The following COASY variants were observed in gnomAD, a reference collection of about 807,000 sequenced individuals.
The protein encoded by COASY is bifunctional coenzyme A synthase.
Under a neutral mutation model 49.4 loss-of-function variants are expected in COASY, and 31 were observed. The observed-to-expected ratio is 0.63, with a 90% CI of 0.47 to 0.85. The LOEUF (loss-of-function observed/expected upper bound fraction) is 0.85. Among genes scored for constraint, COASY ranks in the 40% least tolerant of loss-of-function variants. The pLI is 0.00. For synonymous variants in COASY, 285 were observed against 310.9 expected, an observed-to-expected ratio of 0.92 and a Z score of 0.88; for missense variants, 730 against 734.1, an observed-to-expected ratio of 0.99 and a Z score of 0.06.
In COASY at chr17:42,564,035, A is replaced by G; in HGVS notation, c.775A>G (p.Lys259Glu). ...TCTGAGTGAATTCCTGGTGGACATC[A>G]AGCCCTCCTTGACTTTTGATGTCAT... ...EHLSEFLVDIKPSLTFDVIPL... is the reference protein window; with the variant it reads ...EHLSEFLVDIEPSLTFDVIPL... Residue 259 changes from lysine to glutamate, a missense_variant, in exon 2 of 9, where the codon AAG (lysine) becomes GAG (glutamate). Lys to Glu is a moderately conservative substitution (Grantham distance 56). Coordinates refer to ENST00000393818, the MANE Select transcript of COASY (RefSeq NM_025233.7). 6.2e-7 allele frequency: 1 copy of G among 1,614,072 alleles called. No individual in the cohort carries two copies. The highest frequency in any genetic ancestry group is 8.5e-7 in the Non-Finnish European group (1 of 1,180,002).
intron 5 of COASY, 72 bp from the exon 6 acceptor site, chr17:42,565,155 C>T: frequency 1.9e-6 from 3 of 1,593,282 alleles, no homozygotes; most frequent in Non-Finnish European, 2.6e-6. Context: ...TGATCTGTTC[C>T]CAACACCACC....
intron 1 of COASY, 175 bp downstream of exon 1, chr17:42,563,497 T>G: frequency 9.4e-6 from 6 of 636,172 alleles, no homozygotes; most frequent in Admixed American, 3.2e-5. Context: ...AACAGCTTTC[T>G]CAGCATGTGG....
At position 42,564,690 on chromosome 17, in the gene COASY, C is replaced by G. The variant is rs1208121805; in HGVS notation, c.1048-19C>G. ...CTGAGGGCCCCAGTAACTGTGGGTTCCCTTTCACCTATCCCCAGGAAAGGC... is the reference window on the plus strand; with the variant it reads ...CTGAGGGCCCCAGTAACTGTGGGTTGCCTTTCACCTATCCCCAGGAAAGGC... On this transcript the variant is annotated intron_variant, in intron 3 of 8. Coordinates refer to ENST00000393818, the MANE Select transcript of COASY (RefSeq NM_025233.7). The G allele has an allele frequency of 6.5e-7, 1 of 1,526,982 alleles. No individual in the cohort carries two copies. The highest frequency in any genetic ancestry group is 1.3e-5 in the South Asian group (1 of 75,472). The allele number at this position is 1,526,982 out of a possible 1,614,324, so 94.6% of individuals were successfully genotyped here. A position where few individuals can be genotyped will look rare whatever the true frequency, so the allele number is the denominator to read the frequency against.
rs774545429 is a variant in COASY at position 42,564,335 on chromosome 17, C to CGGA, written c.916-100_916-98dup. The stretch of plus-strand genomic sequence containing the variant: ...CTGGTTCTCAGTTTGCCCGCTGAGT[C>CGGA]GGAGGAGGAGGAGCCTGGGTAGGAA... On this transcript the variant is annotated intron_variant, in intron 2 of 8. Coordinates refer to ENST00000393818, the MANE Select transcript of COASY (RefSeq NM_025233.7). 2,161 of 1,528,882 alleles carry CGGA rather than the reference C, an allele frequency of 1.4e-3. 3 individuals are homozygous for CGGA. The highest frequency in any genetic ancestry group is 1.8e-3 in the Non-Finnish European group (2,000 of 1,110,270). 94.7% of individuals were successfully genotyped at this position (1,528,882 alleles called of 1,614,324 possible). A position where few individuals can be genotyped will look rare whatever the true frequency, so the allele number is the denominator to read the frequency against.
chr17:42,565,417 G>C (rs2092997963), intron 6 of COASY, 54 bp from the exon 7 acceptor site: 1 of 1,610,698 alleles, frequency 6.2e-7, no homozygotes, highest in Non-Finnish European at 8.5e-7. Context: ...CTGGGACTGT[G>C]TTCTGCCTGG....
At position 42,562,480 on chromosome 17, in the gene COASY, T is replaced by C. The variant is rs1195088465; in HGVS notation, c.-143T>C. On this transcript the variant is annotated 5_prime_UTR_variant, in exon 1 of 9. Coordinates refer to ENST00000393818, the MANE Select transcript of COASY (RefSeq NM_025233.7). ...ACCAGGCCCCGTCCCCTCCCCCGGCTCCTGTCGGTCAGCACTGAAACCCCG... is the reference window on the plus strand; with the variant it reads ...ACCAGGCCCCGTCCCCTCCCCCGGCCCCTGTCGGTCAGCACTGAAACCCCG... The C allele has an allele frequency of 1.2e-6, 2 of 1,613,454 alleles. No individual in the cohort carries two copies. Among genetic ancestry groups the C allele is most frequent in the Non-Finnish European group, 8.5e-7 (1 of 1,179,726 alleles).
In COASY at chr17:42,562,759, G is replaced by A; in HGVS notation, c.137G>A (p.Ser46Asn). 1.3e-6 allele frequency: 2 copies of A among 1,598,192 alleles called. No homozygotes were observed. The highest frequency in any genetic ancestry group is 1.7e-6 in the Non-Finnish European group (2 of 1,169,484). ...TLYVHLQPGM[S>N]LEGPAQPQSS... ...TATGTTCACCTGCAGCCGGGCATGA[G>A]CCTGGAGGGCCCGGCTCAGCCCCAG... The change falls in exon 1 of 9, where the codon AGC becomes AAC. Residue 46 changes from serine (S) to asparagine (N), a missense_variant. By Grantham distance (46) the Ser-to-Asn change is conservative (BLOSUM62 1). Coordinates refer to ENST00000393818, the MANE Select transcript of COASY (RefSeq NM_025233.7).
At chr17:42,563,366 CT>C in intron 1 of COASY, 44 bp downstream of exon 1, 12 of 1,511,746 alleles carry the variant, frequency 7.9e-6, no homozygotes, top group Non-Finnish European at 8.9e-6. Context: ...ATCCCCAAAT[CT>C]CCCCACCCCC....
rs1301163144 is a variant in COASY, at chr17:42,564,752, C to T, written c.1091C>T (p.Thr364Ile). Residue 364 changes from threonine (T) to isoleucine (I), a missense_variant, in exon 4 of 9, where the codon ACT (threonine) becomes ATT (isoleucine). Transcript: ENST00000393818. ...LPTCLYVIGL[T>I]GISGSGKSSI... ...ACATGTCTCTATGTAATTGGGCTGA[C>T]TGGCATCAGTGGCTCTGGGAAGAGC... 1.3e-6 allele frequency: 2 copies of T among 1,530,490 alleles called. No homozygotes were observed. The highest frequency in any genetic ancestry group is 1.7e-6 in the Non-Finnish European group (2 of 1,143,544). The allele number at this position is 1,530,490 out of a possible 1,614,324, so 94.8% of individuals were successfully genotyped here. A position where few individuals can be genotyped will look rare whatever the true frequency, so the allele number is the denominator to read the frequency against.
In COASY at chr17:42,565,247, G is replaced by C. The variant is rs202081974; in HGVS notation, c.1323G>C (p.Thr441=). The change falls in exon 6 of 9, where the codon ACG becomes ACC. Residue 441 remains threonine, a synonymous_variant. Coordinates refer to ENST00000393818, the MANE Select transcript of COASY (RefSeq NM_025233.7). Reference sequence around the variant, plus strand: ...CCCAGAAGCAGCTGAAGATACTCACGGACATTATGTGGCCAATTATCGCAA... The same window carrying C: ...CCCAGAAGCAGCTGAAGATACTCACCGACATTATGTGGCCAATTATCGCAA... The part of the protein sequence containing the change: ...FGNKKQLKIL[T]DIMWPIIAKL... 1 of 1,614,116 alleles carries C rather than the reference G, an allele frequency of 6.2e-7. No homozygotes were observed. The highest frequency in any genetic ancestry group is 2.2e-5 in the East Asian group (1 of 44,886).
rs1386059282 is a variant in COASY at position 42,562,823 on chromosome 17, C to A, written c.201C>A (p.Phe67Leu). Residue 67 changes from phenylalanine to leucine, a missense_variant, in exon 1 of 9, where the codon TTC (phenylalanine) becomes TTA (leucine). By Grantham distance (22) the Phe-to-Leu change is conservative (BLOSUM62 0). Transcript: ENST00000393818. ...AGGCCACGTTTGAGGTTCTTGATTT[C>A]ATCACGCACCTCTATGCTGGCGCCG... ...PVQATFEVLD[F>L]ITHLYAGADV... is the part of the protein sequence containing the mutation. 7 of 1,613,160 alleles carry A rather than the reference C, an allele frequency of 4.3e-6. No homozygotes were observed. The highest frequency in any genetic ancestry group is 5.9e-6 in the Non-Finnish European group (7 of 1,179,510).
chr17:42,564,183 CT>C lies in COASY; in HGVS notation c.915+9del. The C allele has an allele frequency of 6.2e-7, 1 of 1,613,152 alleles. No individual in the cohort carries two copies. Among genetic ancestry groups the C allele is most frequent in the South Asian group, 1.1e-5 (1 of 91,004 alleles). The stretch of plus-strand genomic sequence containing the variant: ...CGCTTCCGCCTTGAGAATGTAACCC[CT>C]GAGGGAGACTGGCAGAGGGAGTGGA... On this transcript the variant is annotated intron_variant, in intron 2 of 8. Coordinates refer to ENST00000393818, the MANE Select transcript of COASY (RefSeq NM_025233.7).
intron 2 of COASY, 30 bp downstream of exon 2, chr17:42,564,205 G>GAC (rs2092990889): frequency 1.2e-6 from 2 of 1,605,616 alleles, no homozygotes; most frequent in Non-Finnish European, 1.7e-6. Flanking sequence ...GGCAGAGGGA[G>GAC]TGGATGGGGG....
rs1394347271 is a variant in COASY, at chr17:42,562,754, C to A, written c.132C>A (p.Gly44=). ...NHTLYVHLQP[G]MSLEGPAQPQ... ...CACTCTATGTTCACCTGCAGCCGGG[C>A]ATGAGCCTGGAGGGCCCGGCTCAGC... The change falls in exon 1 of 9, where the codon GGC becomes GGA. Residue 44 remains glycine, a synonymous_variant. Transcript: ENST00000393818. 1 of 1,594,696 alleles carries A rather than the reference C, an allele frequency of 6.3e-7. No homozygotes were observed. Among genetic ancestry groups the A allele is most frequent in the East Asian group, 2.3e-5 (1 of 44,428 alleles).
Position 42,566,214 on chromosome 17 carries a change from C to T in COASY, c.*246C>T, listed in dbSNP as rs938877691. 1 of 563,502 alleles carries T rather than the reference C, an allele frequency of 1.8e-6. No homozygotes were observed. 34.9% of individuals were successfully genotyped at this position (563,502 alleles called of 1,614,324 possible). A position where few individuals can be genotyped will look rare whatever the true frequency, so the allele number is the denominator to read the frequency against. On this transcript the variant is annotated 3_prime_UTR_variant, in exon 9 of 9. Coordinates refer to ENST00000393818, the MANE Select transcript of COASY (RefSeq NM_025233.7). ...CTTGCCCATGGGTGACTCTTACCCACAGCTGACTAGGGCCAGCGCAAATAC... is the reference window on the plus strand; with the variant it reads ...CTTGCCCATGGGTGACTCTTACCCATAGCTGACTAGGGCCAGCGCAAATAC...
At position 42,565,302 on chromosome 17, in the gene COASY, G is replaced by A. The variant is rs1436211463; in HGVS notation, c.1378G>A (p.Val460Met). The A allele has an allele frequency of 1.2e-6, 2 of 1,614,078 alleles. No individual in the cohort carries two copies. The highest frequency in any genetic ancestry group is 1.7e-6 in the Non-Finnish European group (2 of 1,180,032). ...KLAREEMDRA[V>M]AEGKRVCVID... ...GGCCCGAGAGGAGATGGATCGGGCT[G>A]TGGCTGAGGGTGAGTGGGAGGGAGG... The change falls in exon 6 of 9, where the codon GTG (valine) becomes ATG (methionine). Residue 460 changes from valine to methionine, a missense_variant. Physicochemically the swap from Val to Met is conservative, Grantham distance 21. Coordinates refer to ENST00000393818, the MANE Select transcript of COASY (RefSeq NM_025233.7).
Position 42,562,290 on chromosome 17 carries a change from G to T in COASY, c.-333G>T, listed in dbSNP as rs956962789. The T allele has an allele frequency of 1.3e-5, 11 of 841,872 alleles. No individual in the cohort carries two copies. The highest frequency in any genetic ancestry group is 1.9e-5 in the Non-Finnish European group (10 of 514,168). 52.2% of individuals were successfully genotyped at this position (841,872 alleles called of 1,614,324 possible). A position where few individuals can be genotyped will look rare whatever the true frequency, so the allele number is the denominator to read the frequency against. ...CCTCTTCGATTCCTTGAAGACCCTG[G>T]TGCAGCTTAGCAAGAGGGCCCAGGA... On this transcript the variant is annotated 5_prime_UTR_variant, in exon 1 of 9. Transcript: ENST00000393818.
intron 1 of COASY, chr17:42,563,560 T>C: frequency 1.8e-6 from 1 of 544,260 alleles, no homozygotes. Context: ...GGGATCTGCA[T>C]TTTAGCAAGT....
chr17:42,564,471 A>G lies in COASY; in HGVS notation c.941A>G (p.Gln314Arg). 1 of 1,613,602 alleles carries G rather than the reference A, an allele frequency of 6.2e-7. No individual in the cohort carries two copies. The highest frequency in any genetic ancestry group is 8.5e-7 in the Non-Finnish European group (1 of 1,179,730). Reference sequence around the variant, plus strand: ...GACCTGGAGGAACTTGCTTTGTACCAGATCCAGCTGCTGAAGGACCTCAGA... The same window carrying G: ...GACCTGGAGGAACTTGCTTTGTACCGGATCCAGCTGCTGAAGGACCTCAGA... ...ENDLEELALY[Q>R]IQLLKDLRHT... is the part of the protein sequence containing the mutation. The change falls in exon 3 of 9, where the codon CAG becomes CGG. Residue 314 changes from glutamine (Q) to arginine (R), a missense_variant. Coordinates refer to ENST00000393818, the MANE Select transcript of COASY (RefSeq NM_025233.7).
Sources: allele counts gnomAD v4.1 joint callset, GRCh38; gene constraint gnomAD v4.1.1; transcripts MANE v1.5; gene names NCBI Gene and HGNC (gene_info 2026-07-23, HGNC 2026-07-21).